Variants in GAL3ST2 observed in about 807,000 individuals in gnomAD.
GAL3ST2 encodes the protein galactose-3-O-sulfotransferase 2.
Under a neutral mutation model 12.9 loss-of-function variants are expected in GAL3ST2, and 16 were observed. That is an observed-to-expected ratio of 1.24 (90% CI 0.84 to 1.88). The LOEUF (loss-of-function observed/expected upper bound fraction) is 1.88, where lower values mean the gene tolerates loss of function less well. Among genes scored for constraint, GAL3ST2 ranks in the 40% most tolerant of loss-of-function variants. The pLI is 0.00. For missense variants in GAL3ST2, 639 were observed against 571.8 expected, an observed-to-expected ratio of 1.12 and a Z score of -1.20; for synonymous variants, 302 against 273.9, an observed-to-expected ratio of 1.10 and a Z score of -1.01.
At chr2:241,792,231 TG>T (rs1253171624) in intron 1 of GAL3ST2, among the ~76,000 whole-genome samples, 1 of 152,028 alleles carries the variant, frequency 6.6e-6, no homozygotes, top group Non-Finnish European at 1.5e-5. Flanking sequence ...GGTTTCACTA[TG>T]TTGGTCAGGC....
chr2:241,796,766 T>A (rs1559416772), intron 1 of GAL3ST2, among the ~76,000 whole-genome samples: 1 of 152,018 alleles, frequency 6.6e-6, no homozygotes, highest in African/African-American at 2.4e-5. Flanking sequence ...CCGGGGTAGA[T>A]GGTTACTGGG....
At chr2:241,799,367 G>A (rs1699815813) in intron 2 of GAL3ST2, among the ~76,000 whole-genome samples, 1 of 152,202 alleles carries the variant, frequency 6.6e-6, no homozygotes, top group Non-Finnish European at 1.5e-5. Context: ...GGGAGCAGGG[G>A]CCGGGTCTGG....
At chr2:241,778,924 G>T (rs998582342) in intron 1 of GAL3ST2, among the ~76,000 whole-genome samples, 10 of 152,272 alleles carry the variant, frequency 6.6e-5, no homozygotes, top group African/African-American at 2.4e-4. Flanking sequence ...TCCAAAGGAG[G>T]CAGTCAGATA....
chr2:241,804,031 C>T lies in GAL3ST2; in HGVS notation c.1062C>T (p.Leu354=). 2 of 1,563,904 alleles carry T rather than the reference C, an allele frequency of 1.3e-6. No homozygotes were observed. The highest frequency in any genetic ancestry group is 1.7e-6 in the Non-Finnish European group (2 of 1,156,936). Residue 354 remains leucine (L), a synonymous_variant, in exon 4 of 4, where the codon CTC becomes CTT. Coordinates refer to ENST00000192314, the MANE Select transcript of GAL3ST2 (RefSeq NM_022134.3). The stretch of plus-strand genomic sequence containing the variant: ...AGGCCGACATCCTGGGTTACAACCT[C>T]CGGCCGGGCCTGGACAACCAGACGC... ...SGKADILGYN[L]RPGLDNQTLG...
In GAL3ST2 at chr2:241,803,630, T is replaced by C; in HGVS notation, c.661T>C (p.Phe221Leu). 2 of 1,553,984 alleles carry C rather than the reference T, an allele frequency of 1.3e-6. No homozygotes were observed. Among genetic ancestry groups the C allele is most frequent in the Non-Finnish European group, 1.7e-6 (2 of 1,148,514 alleles). ...RARIAEVERR[F>L]RLVLIAEHLD... is the part of the protein sequence containing the mutation. The stretch of plus-strand genomic sequence containing the variant: ...GCGCATCGCCGAGGTGGAGCGGCGC[T>C]TCCGGCTGGTGCTCATCGCCGAGCA... The change falls in exon 4 of 4, where the codon TTC becomes CTC. Residue 221 changes from phenylalanine to leucine, a missense_variant. Physicochemically the swap from Phe to Leu is conservative, Grantham distance 22. Transcript: ENST00000192314.
At chr2:241,784,180 C>A (rs752453180) in intron 1 of GAL3ST2, among the ~76,000 whole-genome samples, 2 of 151,992 alleles carry the variant, frequency 1.3e-5, no homozygotes, top group Admixed American at 6.6e-5. Context: ...ACTACAGGTG[C>A]TCACCACCAC....
Position 241,803,554 on chromosome 2 carries a change from CGA to C in GAL3ST2, c.586_587del (p.Asp196LeufsTer177). 6.2e-7 allele frequency: 1 copy of C among 1,606,338 alleles called. No homozygotes were observed. Among genetic ancestry groups the C allele is most frequent in the Non-Finnish European group, 8.5e-7 (1 of 1,176,532 alleles). ...NVYAKNNMWF[D>X]FGFDPNAQCE... ...TCTACGCCAAGAACAACATGTGGTT[CGA>C]CTTCGGCTTCGACCCCAACGCGCAG... On this transcript the variant is annotated frameshift_variant, in exon 4 of 4. Coordinates refer to ENST00000192314, the MANE Select transcript of GAL3ST2 (RefSeq NM_022134.3). LOFTEE classifies it low-confidence loss of function (END_TRUNC).
At chr2:241,796,218 T>G (rs1005217270) in intron 1 of GAL3ST2, among the ~76,000 whole-genome samples, 3 of 152,174 alleles carry the variant, frequency 2.0e-5, no homozygotes, top group East Asian at 3.9e-4. Flanking sequence ...GTTCCGTCTC[T>G]GTATGTGTAG....
In GAL3ST2 at chr2:241,803,757, G is replaced by C; in HGVS notation, c.788G>C (p.Arg263Pro). The change falls in exon 4 of 4, where the codon CGC becomes CCC. Residue 263 changes from arginine to proline, a missense_variant. By Grantham distance (103) the Arg-to-Pro change is moderately radical (BLOSUM62 -2). Transcript: ENST00000192314. ...TCCCGCAGCGCGCGCTCCGTGGCCC[G>C]CCTGTCGCCCGAGACCCGGGAGCGC... is the stretch of plus-strand genomic sequence containing the variant. ...LNSRSARSVA[R>P]LSPETRERAR... The C allele has an allele frequency of 2.6e-6, 4 of 1,518,732 alleles. No homozygotes were observed. Among genetic ancestry groups the C allele is most frequent in the Non-Finnish European group, 3.5e-6 (4 of 1,137,560 alleles). 94.1% of individuals were successfully genotyped at this position (1,518,732 alleles called of 1,614,324 possible).
chr2:241,795,198 T>G lies in GAL3ST2; in HGVS notation c.30-3867T>G, dbSNP rs534159436. 2.9e-4 allele frequency among the ~76,000 whole-genome samples: 44 copies of G among 152,218 alleles called. No homozygotes were observed. The highest frequency in any genetic ancestry group is 3.4e-3 in the Middle Eastern group (1 of 294). Reference sequence around the variant, plus strand: ...CCTCCTGGGTCCCCAGGTCACCCCCTTCCCGGTTGCTCCAACACTGACCAC... The same window carrying G: ...CCTCCTGGGTCCCCAGGTCACCCCCGTCCCGGTTGCTCCAACACTGACCAC... On this transcript the variant is annotated intron_variant, in intron 1 of 3. Transcript: ENST00000192314. This position sits in a 1 kb window ranked among gnomAD's most constrained non-coding sequence, Gnocchi z 4.5.
rs777646148 is a variant in GAL3ST2, at chr2:241,803,420, TTCA to T, written c.454_456del (p.Ile152del). ...CCCCGTGTTCCAGCTGGAGTCCTCC[TTCA>T]TCTACTACAAAACCTACGCCCCCGC... On this transcript the variant is annotated inframe_deletion, in exon 4 of 4. Coordinates refer to ENST00000192314, the MANE Select transcript of GAL3ST2 (RefSeq NM_022134.3). 6.2e-7 allele frequency: 1 copy of T among 1,612,678 alleles called. No homozygotes were observed. The highest frequency in any genetic ancestry group is 2.2e-5 in the East Asian group (1 of 44,850).
In GAL3ST2 at chr2:241,804,254, C is replaced by G; in HGVS notation, c.*88C>G. 1 of 1,196,536 alleles carries G rather than the reference C, an allele frequency of 8.4e-7. No homozygotes were observed. Among genetic ancestry groups the G allele is most frequent in the Non-Finnish European group, 1.1e-6 (1 of 913,580 alleles). 74.1% of individuals were successfully genotyped at this position (1,196,536 alleles called of 1,614,324 possible). On this transcript the variant is annotated 3_prime_UTR_variant, in exon 4 of 4. Transcript: ENST00000192314. ...GAGGCCGGGGATCCTTGCAGGGCTT[C>G]TGGGGCGTTGGGAAACCCAGGCCCG...
intron 1 of GAL3ST2, among the ~76,000 whole-genome samples, chr2:241,777,974 G>A (rs986103072): frequency 2.6e-5 from 4 of 152,210 alleles, no homozygotes; most frequent in Non-Finnish European, 5.9e-5. Flanking sequence ...GGCCCTCGGG[G>A]AGCCCAGGGC....
Position 241,803,281 on chromosome 2 carries a change from C to T in GAL3ST2, c.376-64C>T, listed in dbSNP as rs1482363589. 42 of 1,396,522 alleles carry T rather than the reference C, an allele frequency of 3.0e-5. No individual in the cohort carries two copies. The Middle Eastern group carries it at 7.3e-4, about 24-fold the overall frequency. 86.5% of individuals were successfully genotyped at this position (1,396,522 alleles called of 1,614,324 possible). A position where few individuals can be genotyped will look rare whatever the true frequency, so the allele number is the denominator to read the frequency against. ...GGGTGTGGCCAGGGCGCGCCTCCTC[C>T]CCGCGGGTGGGCCACCCTGGCCTGG... is the stretch of plus-strand genomic sequence containing the variant. On this transcript the variant is annotated intron_variant, in intron 3 of 3. Coordinates refer to ENST00000192314, the MANE Select transcript of GAL3ST2 (RefSeq NM_022134.3).
At chr2:241,798,515 G>A (rs114504924) in intron 1 of GAL3ST2, among the ~76,000 whole-genome samples, 1,833 of 152,230 alleles carry the variant, frequency 0.012, 41 homozygotes, top group African/African-American at 0.042. Context: ...AGAAGGACAC[G>A]AATCCCATTA....
intron 1 of GAL3ST2, among the ~76,000 whole-genome samples, chr2:241,778,285 G>A (rs1238139572): frequency 1.3e-5 from 2 of 152,238 alleles, no homozygotes; most frequent in Non-Finnish European, 2.9e-5. Flanking sequence ...CAAAGGGGAC[G>A]GTAGTGTGTG....
At position 241,803,798 on chromosome 2, in the gene GAL3ST2, G is replaced by T. The variant is rs1415784625; in HGVS notation, c.829G>T (p.Ala277Ser). Residue 277 changes from alanine to serine, a missense_variant, in exon 4 of 4, where the codon GCG (alanine) becomes TCG (serine). Ala to Ser is a moderately conservative substitution (Grantham distance 99). Transcript: ENST00000192314. ...CCGGGAGCGCGCGCGGAGCTGGTGC[G>T]CGCTGGACTGGCGCCTGTACGAGCA... ...ETRERARSWC[A>S]LDWRLYEHFN... The T allele has an allele frequency of 2.7e-6, 4 of 1,500,890 alleles. No homozygotes were observed. The East Asian group carries it at 8.3e-5, about 31-fold the overall frequency. The allele number at this position is 1,500,890 out of a possible 1,614,324, so 93.0% of individuals were successfully genotyped here.
At chr2:241,796,286 A>G (rs1699771068) in intron 1 of GAL3ST2, among the ~76,000 whole-genome samples, 2 of 152,082 alleles carry the variant, frequency 1.3e-5, no homozygotes, top group Admixed American at 6.5e-5. Flanking sequence ...GGCAGTGAGC[A>G]CCCCAGCACC....
chr2:241,788,989 C>T (rs554091981), intron 1 of GAL3ST2, among the ~76,000 whole-genome samples: 40 of 152,308 alleles, frequency 2.6e-4, no homozygotes, highest in African/African-American at 9.4e-4. Flanking sequence ...AGAGAATGAT[C>T]CCCTTTTGAG....
Sources: gnomAD v4.1 joint callset for allele counts (sites outside exome capture counted in the v4.1 genomes callset) on GRCh38, gnomAD v4.1.1 for gene constraint, Gnocchi (gnomAD v3.1) non-coding constraint, MANE v1.5 for transcripts, NCBI Gene and HGNC (gene_info 2026-07-23, HGNC 2026-07-21) for gene names.